The following ZFYVE9 variants were observed in gnomAD, a reference collection of about 807,000 sequenced individuals.
ZFYVE9 encodes zinc finger FYVE domain-containing protein 9.
ZFYVE9 carries 43 observed loss-of-function variants against 126.7 expected under a neutral mutation model. That is an observed-to-expected ratio of 0.34 (90% CI 0.27 to 0.44). The LOEUF (loss-of-function observed/expected upper bound fraction) is 0.44. ZFYVE9 is among the 20% of genes least tolerant of loss of function. ZFYVE9 has a pLI of 1.00. For synonymous variants in ZFYVE9, 521 were observed against 597.4 expected, an observed-to-expected ratio of 0.87 and a Z score of 1.87; for missense variants, 1,476 against 1,697.0, an observed-to-expected ratio of 0.87 and a Z score of 2.29.
At chr1:52,157,394 C>CTTTTTTTTTTTTTTTTTTTTTTT (rs71579908) in intron 1 of ZFYVE9, among the ~76,000 whole-genome samples, 1 of 58,444 alleles carries the variant, frequency 1.7e-5, no homozygotes, top group Non-Finnish European at 2.8e-5. Flanking sequence ...ACCATATTCT[C>CTTTTTTTTTTTTTTTTTTTTTTT]TTTTTTTTTT....
chr1:52,208,038 G>A (rs1205862885), intron 1 of ZFYVE9, among the ~76,000 whole-genome samples: 9 of 152,174 alleles, frequency 5.9e-5, no homozygotes, highest in Non-Finnish European at 1.3e-4. Context: ...AATATAGCAT[G>A]GGCCGGGTAT....
chr1:52,303,948 A>G (rs1646058705), intron 13 of ZFYVE9, 23 bp downstream of exon 13: 1 of 1,532,706 alleles, frequency 6.5e-7, no homozygotes. Flanking sequence ...ATGAAGGCGT[A>G]TTTTTCATAG....
At chr1:52,162,231 G>A (rs932328291) in intron 1 of ZFYVE9, 26 of 266,440 alleles carry the variant, frequency 9.8e-5, no homozygotes, top group African/African-American at 4.7e-4. Flanking sequence ...GATCTGTATC[G>A]ACTATAATAA....
intron 1 of ZFYVE9, among the ~76,000 whole-genome samples, chr1:52,144,368 C>T (rs933383082): frequency 6.6e-6 from 1 of 151,896 alleles, no homozygotes; most frequent in Non-Finnish European, 1.5e-5. Flanking sequence ...AGACCACCAA[C>T]ATTAGAATCA....
In ZFYVE9 at chr1:52,180,704, G is replaced by A. The variant is rs542262118; in HGVS notation, c.-142-35665G>A. On this transcript the variant is annotated intron_variant, in intron 1 of 18. Coordinates refer to ENST00000287727, the MANE Select transcript of ZFYVE9 (RefSeq NM_004799.4). Reference sequence around the variant, plus strand: ...AAATAATCATTGCTGGGCCGGGCGCGGTGGCTTACGCCTGTAATCCCAGTG... The same window carrying A: ...AAATAATCATTGCTGGGCCGGGCGCAGTGGCTTACGCCTGTAATCCCAGTG... 1.4e-4 allele frequency among the ~76,000 whole-genome samples: 21 copies of A among 152,218 alleles called. No individual in the cohort carries two copies. The South Asian group carries it at 4.1e-3, about 30-fold the overall frequency.
chr1:52,278,666 T>C (rs1355031950), intron 9 of ZFYVE9, 52 bp downstream of exon 9: 2 of 1,243,292 alleles, frequency 1.6e-6, no homozygotes, highest in African/African-American at 1.5e-5. Flanking sequence ...TGACTCATAG[T>C]ACATAAAACT....
At chr1:52,204,130 G>A (rs1366452546) in intron 1 of ZFYVE9, among the ~76,000 whole-genome samples, 1 of 150,892 alleles carries the variant, frequency 6.6e-6, no homozygotes, top group African/African-American at 2.4e-5. Context: ...CTTGATAGCT[G>A]GACATGATAT....
At chr1:52,180,403 CAA>C (rs1273556726) in intron 1 of ZFYVE9, 9 of 1,506,988 alleles carry the variant, frequency 6.0e-6, no homozygotes, top group East Asian at 2.3e-5. Context: ...ATTAACCTGA[CAA>C]GAGATGAGTT....
At chr1:52,337,203 GT>G (rs1485942720) in intron 15 of ZFYVE9, among the ~76,000 whole-genome samples, 1 of 152,170 alleles carries the variant, frequency 6.6e-6, no homozygotes, top group Non-Finnish European at 1.5e-5. Context: ...CAATTTCAGT[GT>G]TTGCCTTCAA....
intron 3 of ZFYVE9, 27 bp downstream of exon 3, chr1:52,233,303 T>A (rs1645241786): frequency 6.5e-7 from 1 of 1,543,688 alleles, no homozygotes; most frequent in Non-Finnish European, 8.8e-7. Flanking sequence ...GTGAATCTGT[T>A]TGCCTATGTG....
intron 1 of ZFYVE9, among the ~76,000 whole-genome samples, chr1:52,148,941 A>C (rs923109023): frequency 1.3e-4 from 17 of 132,808 alleles, no homozygotes; most frequent in African/African-American, 4.7e-4. Context: ...TCCCAGCCTT[A>C]ACATGATTTT....
At chr1:52,165,278 A>C (rs1311505529) in intron 1 of ZFYVE9, among the ~76,000 whole-genome samples, 2 of 152,142 alleles carry the variant, frequency 1.3e-5, no homozygotes, top group East Asian at 3.8e-4. Flanking sequence ...AACAAAAGAA[A>C]ATGTCCACCT....
At chr1:52,203,250 C>T (rs1294981115) in intron 1 of ZFYVE9, among the ~76,000 whole-genome samples, 6 of 151,870 alleles carry the variant, frequency 4.0e-5, no homozygotes, top group East Asian at 1.9e-4. Context: ...GGCCTGATCT[C>T]GGTTAACCTC....
intron 1 of ZFYVE9, chr1:52,160,701 A>G: frequency 2.1e-6 from 1 of 477,358 alleles, no homozygotes; most frequent in Non-Finnish European, 3.7e-6. Context: ...GGCGTGAGCC[A>G]CTGTGCCCGG....
chr1:52,156,911 C>G (rs1225749394), intron 1 of ZFYVE9, among the ~76,000 whole-genome samples: 1 of 151,556 alleles, frequency 6.6e-6, no homozygotes, highest in Non-Finnish European at 1.5e-5. Context: ...TGGCTCACTG[C>G]AAGCTCTGCC....
intron 1 of ZFYVE9, among the ~76,000 whole-genome samples, chr1:52,150,628 G>A (rs145822398): frequency 7.2e-5 from 11 of 151,996 alleles, no homozygotes; most frequent in African/African-American, 1.2e-4. Flanking sequence ...TTGGCTGGGC[G>A]TGGCGTTGGG....
Position 52,314,817 on chromosome 1 carries a change from G to GA in ZFYVE9, c.3438+10902dup, listed in dbSNP as rs796669150. ...ACAGAGTGAGACCCGGTCTCAAAAA[G>GA]AAAAAAAAAAGCAAAAACCGCCAGG... On this transcript the variant is annotated intron_variant, in intron 13 of 18. Transcript: ENST00000287727. Among the ~76,000 whole-genome samples the GA allele has an allele frequency of 2.5e-3, 360 of 145,702 alleles. 3 individuals are homozygous for GA. Among genetic ancestry groups the GA allele is most frequent in the African/African-American group, 8.6e-3 (343 of 39,818 alleles).
rs571175981 is a variant in ZFYVE9, at chr1:52,176,232, C to T, written c.-143+33829C>T. On this transcript the variant is annotated intron_variant, in intron 1 of 18. Coordinates refer to ENST00000287727, the MANE Select transcript of ZFYVE9 (RefSeq NM_004799.4). ...TTCTAACAGATAGGACCCTCAGCTG[C>T]AGGTCTGTTGGAGTTTGCTAGAGGT... Among the ~76,000 whole-genome samples the T allele has an allele frequency of 9.9e-3, 1,509 of 152,324 alleles. 37 individuals are homozygous for T. The highest frequency in any genetic ancestry group is 0.035 in the African/African-American group (1,458 of 41,546).
At chr1:52,205,182 T>A (rs1012144206) in intron 1 of ZFYVE9, among the ~76,000 whole-genome samples, 1 of 150,464 alleles carries the variant, frequency 6.6e-6, no homozygotes, top group African/African-American at 2.4e-5. Flanking sequence ...TCAAGCAATC[T>A]TCCCACCTCA....
Sources: allele counts gnomAD v4.1 joint callset (sites outside exome capture counted in the v4.1 genomes callset), GRCh38; gene constraint gnomAD v4.1.1; transcripts MANE v1.5; gene names NCBI Gene and HGNC (gene_info 2026-07-23, HGNC 2026-07-21).